PEX14: variants seen among roughly 807,000 people sequenced by gnomAD.
The protein encoded by PEX14 is peroxisomal biogenesis factor 14, also known as peroxisomal membrane protein PEX14.
In PEX14, 15 loss-of-function variants were observed where a neutral mutation model predicts 49.5. The ratio of observed to expected loss-of-function variants is 0.30; its 90% CI spans 0.20 to 0.47. PEX14 has a LOEUF of 0.47. PEX14 is among the 20% of genes least tolerant of loss of function. The pLI, the probability that PEX14 is intolerant of heterozygous loss-of-function variation, is 1.00. For synonymous variants in PEX14, 210 were observed against 212.7 expected (o/e 0.99, Z 0.11); for missense variants, 398 against 494.8 (o/e 0.80, Z 1.86).
intron 3 of PEX14, among the ~76,000 whole-genome samples, chr1:10,593,121 A>T (rs1304983402): frequency 6.6e-6 from 1 of 152,152 alleles, no homozygotes; most frequent in African/African-American, 2.4e-5. Context: ...GGTGATGTCC[A>T]GTGTCCTTTT....
At chr1:10,527,058 A>G (rs1480804202) in intron 2 of PEX14, among the ~76,000 whole-genome samples, 1 of 151,946 alleles carries the variant, frequency 6.6e-6, no homozygotes, top group Non-Finnish European at 1.5e-5. Context: ...TACTAAAAAT[A>G]GAAAAATTAG....
At chr1:10,546,127 G>A (rs1332508515) in intron 3 of PEX14, among the ~76,000 whole-genome samples, 1 of 151,982 alleles carries the variant, frequency 6.6e-6, no homozygotes, top group African/African-American at 2.4e-5. Flanking sequence ...CCAAAATAAG[G>A]GCTTAATTGA....
At chr1:10,567,394 TA>T (rs1639836600) in intron 3 of PEX14, among the ~76,000 whole-genome samples, 1 of 152,266 alleles carries the variant, frequency 6.6e-6, no homozygotes, top group South Asian at 2.1e-4. Context: ...TATTATCTGT[TA>T]AAATTAATTT....
At chr1:10,528,339 G>A (rs917160418) in intron 2 of PEX14, 1 of 971,342 alleles carries the variant, frequency 1.0e-6, no homozygotes, top group Non-Finnish European at 1.2e-6. Context: ...TTCATCTGCT[G>A]AGCATCTGAA....
intron 3 of PEX14, among the ~76,000 whole-genome samples, chr1:10,580,609 A>G (rs1640287099): frequency 6.6e-6 from 1 of 152,166 alleles, no homozygotes; most frequent in Non-Finnish European, 1.5e-5. Flanking sequence ...ACATACAATT[A>G]TATGTATCAT....
intron 4 of PEX14, among the ~76,000 whole-genome samples, chr1:10,603,116 G>A (rs749289343): frequency 6.6e-6 from 1 of 152,202 alleles, no homozygotes; most frequent in Non-Finnish European, 1.5e-5. Flanking sequence ...GTTCTTTGGT[G>A]AATGTGGTTG....
chr1:10,582,796 C>CGAT (rs1557857870), intron 3 of PEX14, among the ~76,000 whole-genome samples: 1 of 152,154 alleles, frequency 6.6e-6, no homozygotes, highest in Non-Finnish European at 1.5e-5. Flanking sequence ...TGCAATGGCA[C>CGAT]GATCTCAGCT....
intron 2 of PEX14, among the ~76,000 whole-genome samples, chr1:10,504,185 C>T (rs1478151766): frequency 1.3e-5 from 2 of 152,184 alleles, no homozygotes; most frequent in Non-Finnish European, 2.9e-5. Flanking sequence ...TGGAGAAGGA[C>T]GTATTCACCG....
rs56306413 is a variant in PEX14 at position 10,514,156 on chromosome 1, C to CTGTGTGTGTGTGTG, written c.84+18865_84+18878dup. 3.5e-5 allele frequency among the ~76,000 whole-genome samples: 5 copies of CTGTGTGTGTGTGTG among 143,264 alleles called. No individual in the cohort carries two copies. The highest frequency in any genetic ancestry group is 2.3e-4 in the South Asian group (1 of 4,286). The allele number at this position is 143,264 out of a possible 152,430, so 94.0% of individuals were successfully genotyped here. A position where few individuals can be genotyped will look rare whatever the true frequency, so the allele number is the denominator to read the frequency against. On this transcript the variant is annotated intron_variant, in intron 2 of 8. Coordinates refer to ENST00000356607, the MANE Select transcript of PEX14 (RefSeq NM_004565.3). This position sits in a 1 kb window ranked among gnomAD's most constrained non-coding sequence, Gnocchi z 4.4. ...AAAATGTATAAAATAATCTATGCCT[C>CTGTGTGTGTGTGTG]TGTGTGTGTGTGTGTGTGTGTGTGT...
intron 3 of PEX14, among the ~76,000 whole-genome samples, chr1:10,555,582 G>T (rs1639461457): frequency 6.6e-6 from 1 of 152,052 alleles, no homozygotes; most frequent in Non-Finnish European, 1.5e-5. Flanking sequence ...CTAATCCTCA[G>T]GGAAGAGAAT....
chr1:10,515,954 G>A (rs1337314190), intron 2 of PEX14, among the ~76,000 whole-genome samples: 1 of 152,196 alleles, frequency 6.6e-6, no homozygotes, highest in Non-Finnish European at 1.5e-5. Context: ...GCCATGCCAG[G>A]AAACAAGACA....
intron 2 of PEX14, among the ~76,000 whole-genome samples, chr1:10,509,921 C>A (rs763163629): frequency 7.2e-5 from 11 of 152,256 alleles, no homozygotes; most frequent in Non-Finnish European, 1.6e-4. Context: ...ATTACTTACT[C>A]ATTACTAACT....
chr1:10,552,356 C>T (rs1041916716), intron 3 of PEX14, among the ~76,000 whole-genome samples: 4 of 152,118 alleles, frequency 2.6e-5, no homozygotes, highest in African/African-American at 4.8e-5. Flanking sequence ...GCAGGAGAAT[C>T]GTTTGAACCT....
At chr1:10,501,394 C>T (rs1017730643) in intron 2 of PEX14, among the ~76,000 whole-genome samples, 2 of 152,102 alleles carry the variant, frequency 1.3e-5, no homozygotes, top group Admixed American at 1.3e-4. Context: ...AGGCTCTGCC[C>T]CCCAGGGTTC....
In PEX14 at chr1:10,623,608, C is replaced by T. The variant is rs1641658543; in HGVS notation, c.487+487C>T. Among the ~76,000 whole-genome samples, 1 of 152,160 alleles carries T rather than the reference C, an allele frequency of 6.6e-6. No individual in the cohort carries two copies. Among genetic ancestry groups the T allele is most frequent in the African/African-American group, 2.4e-5 (1 of 41,426 alleles). ...CAGCGATGGCCCAGATTAGCTGGGA[C>T]CTGTCGCGCCAGAGGTGGCTTCTCT... is the stretch of plus-strand genomic sequence containing the variant. On this transcript the variant is annotated intron_variant, in intron 6 of 8. Transcript: ENST00000356607. The surrounding 1 kb of genome is among the most constrained non-coding windows in gnomAD (Gnocchi z 4.4).
chr1:10,481,859 T>C (rs1003597919), intron 1 of PEX14, among the ~76,000 whole-genome samples: 8 of 151,080 alleles, frequency 5.3e-5, no homozygotes, highest in African/African-American at 1.9e-4. Context: ...TGCCTGGCTC[T>C]GTTGCCCAGG....
At chr1:10,595,916 C>G (rs1455940467) in intron 3 of PEX14, among the ~76,000 whole-genome samples, 2 of 152,244 alleles carry the variant, frequency 1.3e-5, no homozygotes, top group African/African-American at 2.4e-5. Flanking sequence ...AAATATAATT[C>G]ACTTACAATT....
intron 1 of PEX14, among the ~76,000 whole-genome samples, chr1:10,482,809 C>T (rs559604935): frequency 1.3e-5 from 2 of 152,160 alleles, no homozygotes; most frequent in Non-Finnish European, 2.9e-5. Flanking sequence ...GTGAAAATAC[C>T]TGTACGTGTC....
intron 3 of PEX14, among the ~76,000 whole-genome samples, chr1:10,558,149 G>T (rs984372519): frequency 6.6e-6 from 1 of 151,916 alleles, no homozygotes; most frequent in Non-Finnish European, 1.5e-5. Context: ...AGTATTCGTT[G>T]TACTCTTTTG....
Sources: allele counts gnomAD v4.1 joint callset (sites outside exome capture counted in the v4.1 genomes callset), GRCh38; gene constraint gnomAD v4.1.1; non-coding constraint Gnocchi (gnomAD v3.1); transcripts MANE v1.5; gene names NCBI Gene and HGNC (gene_info 2026-07-23, HGNC 2026-07-21).